SYNE2: variants seen among roughly 807,000 people sequenced by gnomAD.
SYNE2 encodes nesprin-2.
Under a neutral mutation model 856.3 loss-of-function variants are expected in SYNE2, and 431 were observed. The observed-to-expected ratio is 0.50, with a 90% CI of 0.47 to 0.55. The LOEUF (loss-of-function observed/expected upper bound fraction) is 0.55, where lower values mean the gene tolerates loss of function less well. Among genes scored for constraint, SYNE2 ranks in the 20% least tolerant of loss-of-function variants. The pLI is 0.00. For missense variants in SYNE2, 8,129 were observed against 8,023.2 expected, an observed-to-expected ratio of 1.01 and a Z score of -0.50; for synonymous variants, 2,923 against 2,872.3, an observed-to-expected ratio of 1.02 and a Z score of -0.56.
chr14:64,209,704 C>T, intron 102 of SYNE2, 126 bp downstream of exon 102: 1 of 1,377,724 alleles, frequency 7.3e-7, no homozygotes, highest in Non-Finnish European at 1.0e-6. Flanking sequence ...GCCTAAACCA[C>T]AGCCTGCCCC....
rs575089706 is a variant in SYNE2, at chr14:64,218,606, C to T, written c.19657+94C>T. The T allele has an allele frequency of 3.1e-4, 384 of 1,236,064 alleles. 4 individuals are homozygous for T. In the African/African-American group the frequency reaches 4.7e-3, roughly 15 times the overall value. 76.6% of individuals were successfully genotyped at this position (1,236,064 alleles called of 1,614,324 possible). On this transcript the variant is annotated intron_variant, in intron 109 of 115. Transcript: ENST00000555002. ...ATTCATTAGATATTAACCAACTATA[C>T]GATTCGCCAGAACTGGGGGACTTAC...
chr14:64,187,999 C>T (rs959070296), intron 97 of SYNE2, among the ~76,000 whole-genome samples: 9 of 152,122 alleles, frequency 5.9e-5, no homozygotes, highest in African/African-American at 1.9e-4. Context: ...ATCCAAAATC[C>T]AGTGCATAAC....
At chr14:63,874,200 GTGT>G (rs1214460403) in intron 1 of SYNE2, among the ~76,000 whole-genome samples, 1 of 152,088 alleles carries the variant, frequency 6.6e-6, no homozygotes, top group African/African-American at 2.4e-5. Context: ...AGTGTTTAAC[GTGT>G]TGTTCATTGT....
At position 64,220,525 on chromosome 14, in the gene SYNE2, A is replaced by G; in HGVS notation, c.19949A>G (p.Glu6650Gly). ...SKEFLQTESP[E>G]STELQSRLRQ... ...GAATTTCTGCAAACCGAGAGCCCCG[A>G]ATCCACAGAGCTCCAAAGTAGACTC... Residue 6650 changes from glutamate to glycine, a missense_variant, in exon 111 of 116, where the codon GAA (glutamate) becomes GGA (glycine). Physicochemically the swap from Glu to Gly is moderately conservative, Grantham distance 98 (BLOSUM62 -2). Around this residue, in one of 3 missense-constraint regions of SYNE2, gnomAD observed 5,410 missense variants for 5,284.8 expected, o/e 1.02. Coordinates refer to ENST00000555002, the MANE Select transcript of SYNE2 (RefSeq NM_182914.3). 1 of 1,614,178 alleles carries G rather than the reference A, an allele frequency of 6.2e-7. No individual in the cohort carries two copies. Among genetic ancestry groups the G allele is most frequent in the Non-Finnish European group, 8.5e-7 (1 of 1,180,028 alleles).
intron 1 of SYNE2, among the ~76,000 whole-genome samples, chr14:63,890,201 T>C (rs1450128146): frequency 6.6e-6 from 1 of 152,022 alleles, no homozygotes; most frequent in African/African-American, 2.4e-5. Context: ...TAGCTGGGAC[T>C]ACAGGCGTGG....
At chr14:63,967,881 G>C (rs1272190947) in intron 11 of SYNE2, 35 bp downstream of exon 11, 3 of 1,611,020 alleles carry the variant, frequency 1.9e-6, no homozygotes, top group Non-Finnish European at 2.5e-6. Context: ...AATATTTTCA[G>C]GCCAAAAGCA....
chr14:64,126,215 T>C (rs2097943560), intron 71 of SYNE2, 112 bp from the exon 72 acceptor site: 1 of 938,372 alleles, frequency 1.1e-6, no homozygotes, highest in East Asian at 2.5e-5. Flanking sequence ...AAGCAACTTA[T>C]TACAAAAGAA....
intron 2 of SYNE2, among the ~76,000 whole-genome samples, chr14:63,914,571 G>A (rs74837468): frequency 0.032 from 4,940 of 152,256 alleles, 285 homozygotes; most frequent in African/African-American, 0.11. Flanking sequence ...ATATCTGGGT[G>A]TTGGGTACTG....
At chr14:64,123,485 T>A (rs1402339219) in intron 70 of SYNE2, among the ~76,000 whole-genome samples, 2 of 152,238 alleles carry the variant, frequency 1.3e-5, no homozygotes, top group Non-Finnish European at 2.9e-5. Context: ...TAAAGTTCAA[T>A]CAAACTCATC....
At chr14:63,995,759 A>ATCTATCTATCTATCTATCTG (rs1555419756) in intron 23 of SYNE2, among the ~76,000 whole-genome samples, 1 of 151,740 alleles carries the variant, frequency 6.6e-6, no homozygotes, top group African/African-American at 2.4e-5. Flanking sequence ...CTATCTATCT[A>ATCTATCTATCTATCTATCTG]TCTATCTAGA....
At position 63,925,081 on chromosome 14, in the gene SYNE2, C is replaced by T. The variant is rs185565417; in HGVS notation, c.80-15533C>T. Among the ~76,000 whole-genome samples the T allele has an allele frequency of 1.5e-3, 229 of 151,882 alleles. 3 individuals are homozygous for T. The highest frequency in any genetic ancestry group is 0.011 in the Admixed American group (164 of 15,252). ...CTTTGGGAGGCTGAGGCTGGTGGAT[C>T]GCTTGAGCCCAGGAGTTCAAGACCA... On this transcript the variant is annotated intron_variant, in intron 2 of 115. Transcript: ENST00000555002.
intron 94 of SYNE2, among the ~76,000 whole-genome samples, chr14:64,172,581 T>C (rs754382017): frequency 3.9e-5 from 6 of 152,150 alleles, no homozygotes; most frequent in Non-Finnish European, 8.8e-5. Flanking sequence ...CATATATCGC[T>C]TCTGCCACAC....
chr14:64,077,684 GTAT>G (rs2097477871), intron 54 of SYNE2, among the ~76,000 whole-genome samples: 1 of 151,560 alleles, frequency 6.6e-6, no homozygotes, highest in East Asian at 1.9e-4. Flanking sequence ...AAAGCATAAA[GTAT>G]TATTTGGTTA....
chr14:63,964,164 T>G (rs1176846965), intron 10 of SYNE2, among the ~76,000 whole-genome samples, 164 bp downstream of exon 10: 5 of 152,282 alleles, frequency 3.3e-5, no homozygotes, highest in African/African-American at 1.2e-4. Flanking sequence ...AAGGTGCATG[T>G]GATTCACTGG....
chr14:64,025,455 A>G, intron 41 of SYNE2, 34 bp downstream of exon 41: 2 of 1,591,172 alleles, frequency 1.3e-6, no homozygotes, highest in Non-Finnish European at 1.7e-6. Context: ...CAGAAGTCTG[A>G]GTGAACTCTA....
In SYNE2 at chr14:63,981,044, G is replaced by C; in HGVS notation, c.1707G>C (p.Met569Ile). 1 of 1,582,352 alleles carries C rather than the reference G, an allele frequency of 6.3e-7. No individual in the cohort carries two copies. Among genetic ancestry groups the C allele is most frequent in the Non-Finnish European group, 8.7e-7 (1 of 1,151,700 alleles). Residue 569 changes from methionine to isoleucine, a missense_variant, in exon 16 of 116, where the codon ATG becomes ATC. Physicochemically the swap from Met to Ile is conservative, Grantham distance 10. This residue lies in a region of SYNE2 where 2,422 missense variants were observed against 2,357.4 expected (regional missense o/e 1.03). Coordinates refer to ENST00000555002, the MANE Select transcript of SYNE2 (RefSeq NM_182914.3). The part of the protein sequence containing the change: ...QYMMVKSDVC[M>I]YRKNIYNVKS... Reference sequence around the variant, plus strand: ...TGATGGTGAAATCTGATGTTTGTATGTATAGAAAAAATATATATAATGTGA... The same window carrying C: ...TGATGGTGAAATCTGATGTTTGTATCTATAGAAAAAATATATATAATGTGA...
At chr14:64,183,091 C>A (rs9888627) in intron 96 of SYNE2, among the ~76,000 whole-genome samples, 1 of 141,404 alleles carries the variant, frequency 7.1e-6, no homozygotes, top group Non-Finnish European at 1.5e-5. Flanking sequence ...GGGCGGCTGC[C>A]GGGCGGAGGG....
chr14:64,212,232 C>A, intron 104 of SYNE2, 134 bp downstream of exon 104: 2 of 1,385,738 alleles, frequency 1.4e-6, no homozygotes, highest in East Asian at 2.3e-5. Flanking sequence ...TACATCCCAC[C>A]TGTGTACTAC....
chr14:63,978,979 A>G lies in SYNE2; in HGVS notation c.1534A>G (p.Arg512Gly), dbSNP rs958152337. ...LDIWNIKYGS[R>G]ESVELLLEDW... is the part of the protein sequence containing the mutation. Reference sequence around the variant, plus strand: ...TATTTGGAACATTAAATATGGGAGCAGAGAATCTGTGGAATTATTGCTGGA... The same window carrying G: ...TATTTGGAACATTAAATATGGGAGCGGAGAATCTGTGGAATTATTGCTGGA... Residue 512 changes from arginine (R) to glycine (G), a missense_variant, in exon 14 of 116, where the codon AGA (arginine) becomes GGA (glycine). Transcript: ENST00000555002. 3 of 1,613,952 alleles carry G rather than the reference A, an allele frequency of 1.9e-6. No homozygotes were observed. The highest frequency in any genetic ancestry group is 1.7e-6 in the Non-Finnish European group (2 of 1,179,900).
Sources: allele counts gnomAD v4.1 joint callset (sites outside exome capture counted in the v4.1 genomes callset), GRCh38; gene constraint gnomAD v4.1.1; regional missense constraint gnomAD v4.1.1; transcripts MANE v1.5; gene names NCBI Gene and HGNC (gene_info 2026-07-23, HGNC 2026-07-21).